CDC42BPB: variants seen among roughly 807,000 people sequenced by gnomAD.
The protein encoded by CDC42BPB is serine/threonine-protein kinase MRCK beta.
A neutral mutation model predicts 214.9 loss-of-function variants in CDC42BPB; 37 were observed. That is an observed-to-expected ratio of 0.17 (90% CI 0.13 to 0.23). The LOEUF is 0.23. CDC42BPB is among the 10% of genes least tolerant of loss of function. The probability of loss-of-function intolerance (pLI) is 1.00; values close to 1 mark genes in which losing one functional copy is unlikely to be tolerated. For synonymous variants in CDC42BPB, 931 were observed against 884.0 expected (o/e 1.05, Z -0.94); for missense variants, 1,694 against 2,227.0 (o/e 0.76, Z 4.82).
chr14:102,944,505 A>C lies in CDC42BPB; in HGVS notation c.3812-18T>G. ...GACGATCACTGTGGCAAGGAGGACA[A>C]GAGCGTGAGGCCGACGGGACAGCCA... On this transcript the variant is annotated intron_variant, in intron 29 of 36. Coordinates refer to ENST00000361246, the MANE Select transcript of CDC42BPB (RefSeq NM_006035.4). This position sits in a 1 kb window ranked among gnomAD's most constrained non-coding sequence, Gnocchi z 6.6. 1.2e-6 allele frequency: 2 copies of C among 1,601,528 alleles called. No individual in the cohort carries two copies. Among genetic ancestry groups the C allele is most frequent in the Non-Finnish European group, 1.7e-6 (2 of 1,172,226 alleles).
chr14:102,974,070 C>T lies in CDC42BPB; in HGVS notation c.1587G>A (p.Arg529=), dbSNP rs139049057. 4.3e-5 allele frequency: 69 copies of T among 1,613,842 alleles called. No homozygotes were observed. Among genetic ancestry groups the T allele is most frequent in the African/African-American group, 1.7e-4 (13 of 74,928 alleles). ...QEREDSTQRL[R]GLEKQHRVVR... is the part of the protein sequence containing the mutation. ...CCACGCGGTGCTGCTTCTCCAGCCC[C>T]CGCAGCCGCTGCGTGGAGTCCTCAC... Residue 529 remains arginine, a synonymous_variant, in exon 12 of 37, where the codon CGG becomes CGA. Coordinates refer to ENST00000361246, the MANE Select transcript of CDC42BPB (RefSeq NM_006035.4).
chr14:103,018,249 G>C (rs1243815767), intron 1 of CDC42BPB, among the ~76,000 whole-genome samples: 1 of 152,196 alleles, frequency 6.6e-6, no homozygotes, highest in Non-Finnish European at 1.5e-5. Flanking sequence ...CCATGGAGCT[G>C]TCCGTGGCCT....
intron 12 of CDC42BPB, among the ~76,000 whole-genome samples, chr14:102,973,657 C>G (rs149278269): frequency 2.1e-4 from 30 of 146,204 alleles, no homozygotes; most frequent in Non-Finnish European, 4.2e-4. Context: ...ATGCCCTGTG[C>G]ACGGCCACCA....
chr14:103,024,208 C>A (rs796857953), intron 1 of CDC42BPB, among the ~76,000 whole-genome samples: 1 of 152,200 alleles, frequency 6.6e-6, no homozygotes, highest in Non-Finnish European at 1.5e-5. Context: ...TGGAAGGCCT[C>A]GGACTTGTCT....
intron 1 of CDC42BPB, among the ~76,000 whole-genome samples, chr14:103,023,709 CAAAG>C (rs1164225454): frequency 6.6e-6 from 1 of 151,858 alleles, no homozygotes; most frequent in Non-Finnish European, 1.5e-5. Flanking sequence ...TTAGTTTTGA[CAAAG>C]AAAATATATT....
At chr14:103,055,742 T>TA (rs1888912731) in intron 1 of CDC42BPB, among the ~76,000 whole-genome samples, 1 of 152,268 alleles carries the variant, frequency 6.6e-6, no homozygotes, top group Non-Finnish European at 1.5e-5. Flanking sequence ...TTAAGTTTTA[T>TA]TTGTAAACAA....
chr14:103,048,163 G>A (rs568373007), intron 1 of CDC42BPB, among the ~76,000 whole-genome samples: 31 of 152,294 alleles, frequency 2.0e-4, no homozygotes, highest in South Asian at 4.1e-4. Flanking sequence ...AAGGGATGAA[G>A]GTGATAAGAT....
chr14:103,029,131 A>C lies in CDC42BPB; in HGVS notation c.176-16943T>G, dbSNP rs114933086. 9.1e-3 allele frequency among the ~76,000 whole-genome samples: 1,388 copies of C among 152,346 alleles called. 22 individuals are homozygous for C. The highest frequency in any genetic ancestry group is 0.031 in the African/African-American group (1,300 of 41,572). The stretch of plus-strand genomic sequence containing the variant: ...ATTTTCTCTTATCCAAAATTCCTTC[A>C]ATCTTTTACCTTATTTAGACATTGA... On this transcript the variant is annotated intron_variant, in intron 1 of 36. Transcript: ENST00000361246.
At chr14:102,938,046 G>A in intron 36 of CDC42BPB, 58 bp downstream of exon 36, 1 of 1,571,254 alleles carries the variant, frequency 6.4e-7, no homozygotes, top group Non-Finnish European at 8.7e-7. Context: ...TCTTCGGGCT[G>A]CTTTTCCTCC....
chr14:103,032,599 G>T (rs968915819), intron 1 of CDC42BPB, among the ~76,000 whole-genome samples: 1 of 144,272 alleles, frequency 6.9e-6, no homozygotes, highest in South Asian at 2.2e-4. Context: ...TTAAGGAGGT[G>T]TACAATCCAA....
intron 6 of CDC42BPB, 55 bp downstream of exon 6, chr14:102,986,432 C>T: frequency 8.0e-7 from 1 of 1,248,436 alleles, no homozygotes; most frequent in Non-Finnish European, 1.2e-6. Context: ...AACTTCCCTT[C>T]TGACTATATG....
At chr14:102,962,932 T>C (rs1049908225) in intron 20 of CDC42BPB, 129 bp downstream of exon 20, 8 of 547,752 alleles carry the variant, frequency 1.5e-5, no homozygotes, top group African/African-American at 9.7e-5. Context: ...AATGCTGATT[T>C]TGGAAAATAC....
At chr14:103,055,476 G>A (rs1252858225) in intron 1 of CDC42BPB, among the ~76,000 whole-genome samples, 2 of 152,306 alleles carry the variant, frequency 1.3e-5, no homozygotes, top group Admixed American at 6.5e-5. Flanking sequence ...ATGCACCAAA[G>A]ACCTCACTTT....
chr14:102,933,781 C>A lies in CDC42BPB; in HGVS notation c.5067G>T (p.Pro1689=). The change falls in exon 37 of 37, where the codon CCG becomes CCT. Residue 1689 remains proline, a synonymous_variant. Transcript: ENST00000361246. ...GGCTCCTGTGGGGGGAGTTGGGGCTCGGTGGGCCGCTGGGGTTGGAGCTAT... is the reference window on the plus strand; with the variant it reads ...GGCTCCTGTGGGGGGAGTTGGGGCTAGGTGGGCCGCTGGGGTTGGAGCTAT... ...PSNSSNPSGP[P]SPNSPHRSQL... 1 of 1,500,846 alleles carries A rather than the reference C, an allele frequency of 6.7e-7. No individual in the cohort carries two copies. 93.0% of individuals were successfully genotyped at this position (1,500,846 alleles called of 1,614,324 possible).
intron 4 of CDC42BPB, among the ~76,000 whole-genome samples, chr14:103,002,617 G>A (rs1381618057): frequency 6.6e-6 from 1 of 152,122 alleles, no homozygotes; most frequent in African/African-American, 2.4e-5. Context: ...GGAAGCGGGG[G>A]GGTTTATGTG....
chr14:102,983,543 T>G lies in CDC42BPB; in HGVS notation c.891+13A>C. 6.8e-7 allele frequency: 1 copy of G among 1,463,724 alleles called. No homozygotes were observed. The highest frequency in any genetic ancestry group is 9.2e-7 in the Non-Finnish European group (1 of 1,087,444). 90.7% of individuals were successfully genotyped at this position (1,463,724 alleles called of 1,614,324 possible). On this transcript the variant is annotated intron_variant, in intron 7 of 36. Transcript: ENST00000361246. Reference sequence around the variant, plus strand: ...CCAGGTACCAAAAAAAAAAAAAAAATGCAACGTCTTACTTCATGGTTCATG... The same window carrying G: ...CCAGGTACCAAAAAAAAAAAAAAAAGGCAACGTCTTACTTCATGGTTCATG...
rs141222729 is a variant in CDC42BPB at position 103,026,024 on chromosome 14, C to T, written c.176-13836G>A. 1.2e-3 allele frequency among the ~76,000 whole-genome samples: 180 copies of T among 152,204 alleles called. 1 individual carries two copies. Among genetic ancestry groups the T allele is most frequent in the Middle Eastern group, 3.4e-3 (1 of 294 alleles). The stretch of plus-strand genomic sequence containing the variant: ...AACCACATGCTGAAGAATAACTGTG[C>T]GCCCCTACCTCACACCATATACAAA... On this transcript the variant is annotated intron_variant, in intron 1 of 36. Transcript: ENST00000361246.
chr14:103,019,269 G>A (rs1018383265), intron 1 of CDC42BPB, among the ~76,000 whole-genome samples: 3 of 152,132 alleles, frequency 2.0e-5, no homozygotes, highest in Non-Finnish European at 4.4e-5. Flanking sequence ...AGACACGGCC[G>A]CCCTGCAGCT....
chr14:102,999,781 C>T (rs1894896832), intron 4 of CDC42BPB, 68 bp from the exon 5 acceptor site: 9 of 1,584,650 alleles, frequency 5.7e-6, no homozygotes, highest in Admixed American at 1.7e-5. Context: ...CAGTTACAGG[C>T]CAGTCTTCCA....
Sources: allele counts gnomAD v4.1 joint callset (sites outside exome capture counted in the v4.1 genomes callset), GRCh38; gene constraint gnomAD v4.1.1; non-coding constraint Gnocchi (gnomAD v3.1); transcripts MANE v1.5; gene names NCBI Gene and HGNC (gene_info 2026-07-23, HGNC 2026-07-21).